The following IL15 variants were observed in gnomAD, a reference collection of about 807,000 sequenced individuals.
IL15 encodes the protein interleukin 15.
A neutral mutation model predicts 19.6 loss-of-function variants in IL15; 11 were observed. The observed-to-expected ratio is 0.56, with a 90% CI of 0.35 to 0.93. IL15 has a LOEUF of 0.93. Ranked by LOEUF, IL15 falls within the 40% of genes least tolerant of loss-of-function variation. The pLI, the probability that IL15 is intolerant of heterozygous loss-of-function variation, is 0.01. For synonymous variants in IL15, 58 were observed against 59.6 expected (o/e 0.97, Z 0.12); for missense variants, 197 against 186.5 (o/e 1.06, Z -0.33).
intron 2 of IL15, among the ~76,000 whole-genome samples, chr4:141,705,830 C>T (rs796780873): frequency 3.3e-5 from 5 of 151,856 alleles, no homozygotes; most frequent in African/African-American, 1.2e-4. Context: ...TATATAATGA[C>T]CTTCTTTACC....
intron 5 of IL15, among the ~76,000 whole-genome samples, chr4:141,724,840 TG>T (rs1244337833): frequency 6.6e-6 from 1 of 152,150 alleles, no homozygotes; most frequent in Non-Finnish European, 1.5e-5. Flanking sequence ...TCAAGCCTGC[TG>T]GTTACACTGA....
At chr4:141,717,064 AT>A in intron 2 of IL15, 2 of 152,214 alleles carry the variant, frequency 1.3e-5, no homozygotes, top group Admixed American at 1.3e-4. Flanking sequence ...AGTCACACCC[AT>A]ATTTGATTTA....
chr4:141,663,378 T>C (rs1325137835), intron 2 of IL15, among the ~76,000 whole-genome samples: 1 of 152,184 alleles, frequency 6.6e-6, no homozygotes, highest in East Asian at 1.9e-4. Flanking sequence ...ACAAGAGAAA[T>C]GCATAGCACA....
rs183273558 is a variant in IL15 at position 141,665,351 on chromosome 4, T to C, written c.-100+9044T>C. On this transcript the variant is annotated intron_variant, in intron 2 of 7. Coordinates refer to ENST00000320650, the MANE Select transcript of IL15 (RefSeq NM_000585.5). ...CCTTTCACTTCAAACTGCCCTCTTT[T>C]TAATAAAAGCATAAAACATTTCAAA... Among the ~76,000 whole-genome samples the C allele has an allele frequency of 2.1e-3, 320 of 152,246 alleles. 3 individuals carry two copies. The highest frequency in any genetic ancestry group is 7.5e-3 in the African/African-American group (312 of 41,572).
At chr4:141,673,508 ATC>A (rs1318003970) in intron 2 of IL15, among the ~76,000 whole-genome samples, 1 of 152,156 alleles carries the variant, frequency 6.6e-6, no homozygotes, top group African/African-American at 2.4e-5. Flanking sequence ...CTTTGACTAT[ATC>A]TTTCTGCTTC....
At chr4:141,647,217 A>G (rs1727254806) in intron 1 of IL15, among the ~76,000 whole-genome samples, 1 of 152,088 alleles carries the variant, frequency 6.6e-6, no homozygotes, top group Admixed American at 6.6e-5. Flanking sequence ...GAAGAGTCAG[A>G]GAATGCCGAA....
rs564966682 is a variant in IL15, at chr4:141,651,803, G to T, written c.-221-4383G>T. 2.0e-5 allele frequency among the ~76,000 whole-genome samples: 3 copies of T among 152,054 alleles called. No individual in the cohort carries two copies. In the East Asian group the frequency reaches 5.8e-4, roughly 29 times the overall value. On this transcript the variant is annotated intron_variant, in intron 1 of 7. Coordinates refer to ENST00000320650, the MANE Select transcript of IL15 (RefSeq NM_000585.5). ...TTGGTCATGTAAGTTAATAATGCAG[G>T]CTTAGTTACTCAGGGATTGCTCTGG... is the stretch of plus-strand genomic sequence containing the variant.
intron 2 of IL15, among the ~76,000 whole-genome samples, chr4:141,656,804 T>C (rs1423854240): frequency 1.3e-5 from 2 of 152,202 alleles, no homozygotes; most frequent in African/African-American, 4.8e-5. Context: ...AATTAAATAA[T>C]AAGTGTAATC....
At chr4:141,637,560 AT>A (rs1245060730) in intron 1 of IL15, among the ~76,000 whole-genome samples, 2 of 152,020 alleles carry the variant, frequency 1.3e-5, no homozygotes, top group Non-Finnish European at 2.9e-5. Flanking sequence ...AATCCAGCCA[AT>A]TTTTTCAAGT....
chr4:141,673,945 A>G (rs935231564), intron 2 of IL15, among the ~76,000 whole-genome samples: 1 of 152,194 alleles, frequency 6.6e-6, no homozygotes, highest in Non-Finnish European at 1.5e-5. Context: ...AAACAATGTA[A>G]GCAAATTGAA....
At chr4:141,708,930 A>T (rs1006283241) in intron 2 of IL15, among the ~76,000 whole-genome samples, 14 of 151,968 alleles carry the variant, frequency 9.2e-5, no homozygotes, top group African/African-American at 3.1e-4. Flanking sequence ...ATTCAGGATT[A>T]CTTTAAATGA....
At chr4:141,722,033 T>C (rs1410160742) in intron 5 of IL15, 25 bp downstream of exon 5, 4 of 1,557,900 alleles carry the variant, frequency 2.6e-6, no homozygotes, top group South Asian at 2.4e-5. Flanking sequence ...TTCCATAAAA[T>C]GCCTGGTATA....
chr4:141,716,219 T>C (rs1729878739), intron 2 of IL15: 1 of 152,294 alleles, frequency 6.6e-6, no homozygotes, highest in Admixed American at 6.5e-5. Context: ...CCCTGTGAGC[T>C]CCTTGAGGAC....
In IL15 at chr4:141,726,758, C is replaced by A. The variant is rs7658667; in HGVS notation, c.196-1182C>A. Among the ~76,000 whole-genome samples, 837 of 152,182 alleles carry A rather than the reference C, an allele frequency of 5.5e-3. 16 individuals carry two copies. The highest frequency in any genetic ancestry group is 0.02 in the African/African-American group (812 of 41,508). On this transcript the variant is annotated intron_variant, in intron 5 of 7. Coordinates refer to ENST00000320650, the MANE Select transcript of IL15 (RefSeq NM_000585.5). ...AATACTACAGAGCAATAAAAAGGAA[C>A]AAACTAGTGATACCCACAAGTTAGG...
chr4:141,690,463 T>A (rs1472583784), intron 2 of IL15, among the ~76,000 whole-genome samples: 1 of 152,212 alleles, frequency 6.6e-6, no homozygotes, highest in Non-Finnish European at 1.5e-5. Context: ...CTATTAGTCA[T>A]CCTAGATTCT....
At chr4:141,695,869 A>C (rs976113545) in intron 2 of IL15, among the ~76,000 whole-genome samples, 2 of 151,982 alleles carry the variant, frequency 1.3e-5, no homozygotes, top group African/African-American at 4.8e-5. Flanking sequence ...GTAGTTTGTA[A>C]ATATTAATAT....
intron 7 of IL15, 72 bp downstream of exon 7, chr4:141,730,056 C>T (rs1730401638): frequency 1.3e-5 from 15 of 1,188,434 alleles, no homozygotes; most frequent in Non-Finnish European, 1.5e-5. Flanking sequence ...CATTCATGGA[C>T]AAGCAGATCC....
At chr4:141,655,478 A>G (rs1727557970) in intron 1 of IL15, among the ~76,000 whole-genome samples, 1 of 152,090 alleles carries the variant, frequency 6.6e-6, no homozygotes, top group African/African-American at 2.4e-5. Context: ...TTTCTTCAAC[A>G]CAAAGCTTCA....
chr4:141,668,608 T>G (rs1430097244), intron 2 of IL15, among the ~76,000 whole-genome samples: 25 of 152,210 alleles, frequency 1.6e-4, no homozygotes, highest in Non-Finnish European at 5.9e-5. Flanking sequence ...CCCCTACTGG[T>G]GTGTCAGTAC....
Sources: allele counts gnomAD v4.1 joint callset (sites outside exome capture counted in the v4.1 genomes callset), GRCh38; gene constraint gnomAD v4.1.1; transcripts MANE v1.5; gene names NCBI Gene and HGNC (gene_info 2026-07-23, HGNC 2026-07-21).